The following RALGAPB variants were observed in gnomAD, a reference collection of about 807,000 sequenced individuals.
RALGAPB encodes the protein Ral GTPase activating protein non-catalytic subunit beta.
RALGAPB carries 25 observed loss-of-function variants against 161.1 expected under a neutral mutation model. That is an observed-to-expected ratio of 0.16 (90% confidence interval 0.11 to 0.22). RALGAPB has a LOEUF of 0.22. Among genes scored for constraint, RALGAPB ranks in the 10% least tolerant of loss-of-function variants. The pLI, the probability that RALGAPB is intolerant of heterozygous loss-of-function variation, is 1.00. For synonymous variants in RALGAPB, 629 were observed against 626.1 expected (o/e 1.00, Z -0.07); for missense variants, 1,391 against 1,815.2 (o/e 0.77, Z 4.25).
intron 12 of RALGAPB, 135 bp from the exon 13 acceptor site, chr20:38,525,760 C>G: frequency 4.3e-6 from 4 of 938,126 alleles, no homozygotes; most frequent in Non-Finnish European, 6.3e-6. Context: ...TTGTTAGTGA[C>G]AGATTCAGCA....
chr20:38,507,852 T>C (rs2085810934), intron 5 of RALGAPB, among the ~76,000 whole-genome samples: 1 of 152,074 alleles, frequency 6.6e-6, no homozygotes, highest in Non-Finnish European at 1.5e-5. Flanking sequence ...TCCCATTGTT[T>C]TATTTTAAAA....
chr20:38,578,293 C>T lies in RALGAPB; in HGVS notation c.*3326C>T, dbSNP rs2088510456. 1.3e-5 allele frequency: 2 copies of T among 152,190 alleles called. No homozygotes were observed. Among genetic ancestry groups the T allele is most frequent in the South Asian group, 4.1e-4 (2 of 4,832 alleles). The allele number at this position is 152,190 out of a possible 1,614,324, so 9.4% of individuals were successfully genotyped here. ...GTGGTCTATCCGTACGATGTGGAAT[C>T]AAACGGTGGGTTTCTTAGTAGCTAA... On this transcript the variant is annotated 3_prime_UTR_variant, in exon 30 of 30. Coordinates refer to ENST00000262879, the MANE Select transcript of RALGAPB (RefSeq NM_020336.4).
chr20:38,553,800 A>C (rs1442660319), intron 21 of RALGAPB, 67 bp from the exon 22 acceptor site: 5 of 909,490 alleles, frequency 5.5e-6, no homozygotes, highest in Non-Finnish European at 8.2e-6. Flanking sequence ...AAAAAAAAAA[A>C]ACACTTAAGA....
intron 16 of RALGAPB, among the ~76,000 whole-genome samples, chr20:38,539,028 C>G (rs1484156017): frequency 6.6e-6 from 1 of 152,158 alleles, no homozygotes; most frequent in Non-Finnish European, 1.5e-5. Context: ...TGTGGTATAT[C>G]CATGCAGTGG....
Position 38,473,277 on chromosome 20 carries a change from G to T in RALGAPB, c.-31+208G>T, listed in dbSNP as rs546458672. On this transcript the variant is annotated intron_variant, in intron 1 of 29. Transcript: ENST00000262879. ...GGAGTGGGCGGCTGCTGTCGAGTCT[G>T]TGTAAACCCGGTCTAATCCTTGGGA... 5.9e-5 allele frequency among the ~76,000 whole-genome samples: 9 copies of T among 152,286 alleles called. No homozygotes were observed. The East Asian group carries it at 1.7e-3, about 30-fold the overall frequency.
intron 4 of RALGAPB, among the ~76,000 whole-genome samples, chr20:38,499,231 A>G (rs2085510723): frequency 6.6e-6 from 1 of 152,198 alleles, no homozygotes; most frequent in Non-Finnish European, 1.5e-5. Context: ...GCAACTTGAA[A>G]TCTTTCAAAG....
intron 26 of RALGAPB, chr20:38,569,648 C>A: frequency 2.2e-6 from 1 of 446,188 alleles, no homozygotes; most frequent in Non-Finnish European, 4.1e-6. Context: ...TATAATTATT[C>A]AGTATTCCTT....
chr20:38,552,915 G>A (rs571305749), intron 21 of RALGAPB, among the ~76,000 whole-genome samples: 2 of 152,280 alleles, frequency 1.3e-5, no homozygotes, highest in Admixed American at 1.3e-4. Flanking sequence ...TTGGAAGGAG[G>A]TTCAACACAG....
Position 38,574,304 on chromosome 20 carries a change from G to C in RALGAPB, c.4291+6G>C, listed in dbSNP as rs746469132. ...TGTCAGCAGGCGAGCTCTTGGTAAG[G>C]TCTTCATATGTGGCCGAAGAGTTAA... On this transcript the variant is annotated splice_donor_region_variant and intron_variant, in intron 29 of 29. Transcript: ENST00000262879. 3.2e-6 allele frequency: 5 copies of C among 1,584,156 alleles called. No homozygotes were observed. The South Asian group carries it at 5.9e-5, about 19-fold the overall frequency.
At chr20:38,512,370 T>C (rs931754369) in intron 6 of RALGAPB, among the ~76,000 whole-genome samples, 4 of 152,266 alleles carry the variant, frequency 2.6e-5, no homozygotes, top group Admixed American at 2.6e-4. Flanking sequence ...TGGACCTGAC[T>C]TAAATTCTGC....
At chr20:38,532,380 A>G in intron 14 of RALGAPB, among the ~76,000 whole-genome samples, 1 of 152,048 alleles carries the variant, frequency 6.6e-6, no homozygotes, top group East Asian at 1.9e-4. Flanking sequence ...TTAAGCTTAT[A>G]TTTCTGTTCT....
chr20:38,574,737 G>T, intron 29 of RALGAPB, 37 bp from the exon 30 acceptor site: 1 of 1,575,346 alleles, frequency 6.3e-7, no homozygotes, highest in East Asian at 2.2e-5. Flanking sequence ...TAAGTGACTA[G>T]TTTCTAACGT....
At chr20:38,567,007 G>A (rs1437791207) in intron 25 of RALGAPB, 89 bp from the exon 26 acceptor site, 14 of 1,506,636 alleles carry the variant, frequency 9.3e-6, no homozygotes, top group Non-Finnish European at 1.2e-5. Flanking sequence ...AAGTGATTTA[G>A]GTTAGACTGG....
At chr20:38,550,303 A>G (rs2087333317) in intron 20 of RALGAPB, among the ~76,000 whole-genome samples, 1 of 152,244 alleles carries the variant, frequency 6.6e-6, no homozygotes, top group Non-Finnish European at 1.5e-5. Context: ...ATAATAAAAA[A>G]ATGTGATTAA....
At chr20:38,504,082 C>A (rs1156891845) in intron 5 of RALGAPB, among the ~76,000 whole-genome samples, 1 of 152,168 alleles carries the variant, frequency 6.6e-6, no homozygotes, top group Admixed American at 6.5e-5. Context: ...AAAACCTATT[C>A]TAAAATTCAT....
At chr20:38,552,913 A>C (rs984886443) in intron 21 of RALGAPB, among the ~76,000 whole-genome samples, 1 of 152,160 alleles carries the variant, frequency 6.6e-6, no homozygotes, top group Non-Finnish European at 1.5e-5. Context: ...ATTTGGAAGG[A>C]GGTTCAACAC....
At chr20:38,563,267 C>T (rs6070626) in intron 24 of RALGAPB, among the ~76,000 whole-genome samples, 17,162 of 152,106 alleles carry the variant, frequency 0.11, 2,638 homozygotes, top group African/African-American at 0.35. Context: ...GCATAAGATT[C>T]AATTTTCTAT....
intron 13 of RALGAPB, 48 bp from the exon 14 acceptor site, chr20:38,531,119 A>G (rs756212437): frequency 7.0e-7 from 1 of 1,436,434 alleles, no homozygotes; most frequent in Admixed American, 1.7e-5. Context: ...TACGCATTTT[A>G]GTGTTCTTGT....
chr20:38,517,743 CT>C (rs780634895), intron 8 of RALGAPB, 40 bp from the exon 9 acceptor site: 1 of 1,604,686 alleles, frequency 6.2e-7, no homozygotes, highest in Non-Finnish European at 8.5e-7. Flanking sequence ...TTTTCTCAGA[CT>C]TTTCATTGGT....
Sources: gnomAD v4.1 joint callset for allele counts (sites outside exome capture counted in the v4.1 genomes callset) on GRCh38, gnomAD v4.1.1 for gene constraint, MANE v1.5 for transcripts, NCBI Gene and HGNC (gene_info 2026-07-23, HGNC 2026-07-21) for gene names.